DIPK2A: variants seen among roughly 807,000 people sequenced by gnomAD.
DIPK2A encodes Golgi Protein of 49 kDa.
A neutral mutation model predicts 39.0 loss-of-function variants in DIPK2A; 27 were observed. The observed-to-expected ratio is 0.69, with a 90% confidence interval of 0.51 to 0.96. The LOEUF (loss-of-function observed/expected upper bound fraction) is 0.96, where lower values mean the gene tolerates loss of function less well. DIPK2A is among the 40% of genes least tolerant of loss of function. DIPK2A has a pLI of 0.00. For synonymous variants in DIPK2A, 298 were observed against 240.8 expected (o/e 1.24, Z -2.20); for missense variants, 528 against 571.3 (o/e 0.92, Z 0.77).
rs918875014 is a variant in DIPK2A at position 143,990,050 on chromosome 3, C to G, written c.*209C>G. ...TTCTGCAAATAAGTATGTTCTTATA[C>G]TTTGGAGGCTTGAGCTGTCATCAGC... On this transcript the variant is annotated 3_prime_UTR_variant, in exon 3 of 3. Coordinates refer to ENST00000315691, the MANE Select transcript of DIPK2A (RefSeq NM_173552.5). 2 of 543,948 alleles carry G rather than the reference C, an allele frequency of 3.7e-6. No homozygotes were observed. Among genetic ancestry groups the G allele is most frequent in the Non-Finnish European group, 6.5e-6 (2 of 306,988 alleles). The allele number at this position is 543,948 out of a possible 1,614,324, so 33.7% of individuals were successfully genotyped here.
In DIPK2A at chr3:143,972,826, C is replaced by G; in HGVS notation, c.494C>G (p.Ser165Trp). The change falls in exon 1 of 3, where the codon TCG becomes TGG. Residue 165 changes from serine (S) to tryptophan (W), a missense_variant. Ser to Trp is a radical substitution (Grantham distance 177). Transcript: ENST00000315691. ...ACGCCCGAGGCGGTGGAGGGCTGGT[C>G]GGACCTGGTGCACTGCCCCTCGCAG... The part of the protein sequence containing the change: ...LLTPEAVEGW[S>W]DLVHCPSQRL... 1 of 1,565,196 alleles carries G rather than the reference C, an allele frequency of 6.4e-7. No individual in the cohort carries two copies. Among genetic ancestry groups the G allele is most frequent in the Non-Finnish European group, 8.6e-7 (1 of 1,158,692 alleles).
chr3:143,989,642 A>G lies in DIPK2A; in HGVS notation c.1094A>G (p.Gln365Arg), dbSNP rs1559858024. ...GACCACAATTACTATGCTGTTTGTC[A>G]GAACCTCTTATCCAGACATGCCACC... The part of the protein sequence containing the change: ...TVDHNYYAVC[Q>R]NLLSRHATWR... Residue 365 changes from glutamine to arginine, a missense_variant, in exon 3 of 3, where the codon CAG (glutamine) becomes CGG (arginine). Around this residue, in one of 2 missense-constraint regions of DIPK2A, gnomAD observed 219 missense variants for 281.5 expected, o/e 0.78. Transcript: ENST00000315691. The G allele has an allele frequency of 6.2e-7, 1 of 1,614,218 alleles. No homozygotes were observed. The highest frequency in any genetic ancestry group is 8.5e-7 in the Non-Finnish European group (1 of 1,180,036).
intron 2 of DIPK2A, among the ~76,000 whole-genome samples, chr3:143,987,055 A>G (rs756991145): frequency 2.2e-4 from 33 of 152,246 alleles, no homozygotes; most frequent in Non-Finnish European, 3.5e-4. Flanking sequence ...CAGATTTTAT[A>G]CTTACCAGAC....
At chr3:143,983,029 T>C (rs1034116962) in intron 1 of DIPK2A, among the ~76,000 whole-genome samples, 2 of 152,124 alleles carry the variant, frequency 1.3e-5, no homozygotes, top group Non-Finnish European at 2.9e-5. Context: ...CAAGAAGAGC[T>C]AACTATATAT....
intron 1 of DIPK2A, 26 bp downstream of exon 1, chr3:143,973,015 CG>C: frequency 6.4e-7 from 1 of 1,555,698 alleles, no homozygotes. Flanking sequence ...GGGCAGGGGG[CG>C]TCCTGGGAGG....
chr3:143,983,293 A>G (rs1392268063), intron 1 of DIPK2A, among the ~76,000 whole-genome samples: 3 of 152,218 alleles, frequency 2.0e-5, no homozygotes, highest in South Asian at 4.1e-4. Context: ...ATCATATTGC[A>G]CTTATTCTAA....
intron 1 of DIPK2A, among the ~76,000 whole-genome samples, chr3:143,975,315 A>T (rs1353143180): frequency 6.6e-6 from 1 of 152,136 alleles, no homozygotes; most frequent in Non-Finnish European, 1.5e-5. Flanking sequence ...TAATTTTTTT[A>T]AAACCTGATT....
Position 143,972,193 on chromosome 3 carries a change from C to A in DIPK2A, c.-140C>A, listed in dbSNP as rs986318055. 4.3e-6 allele frequency: 3 copies of A among 703,056 alleles called. No individual in the cohort carries two copies. Among genetic ancestry groups the A allele is most frequent in the Non-Finnish European group, 6.3e-6 (3 of 478,340 alleles). 43.6% of individuals were successfully genotyped at this position (703,056 alleles called of 1,614,324 possible). A position where few individuals can be genotyped will look rare whatever the true frequency, so the allele number is the denominator to read the frequency against. ...CCGCTCCCCGTCTTCCTCTCTCACACACCTACTCCGCCCTCCGCCCCAGCC... is the reference window on the plus strand; with the variant it reads ...CCGCTCCCCGTCTTCCTCTCTCACAAACCTACTCCGCCCTCCGCCCCAGCC... On this transcript the variant is annotated 5_prime_UTR_variant, in exon 1 of 3. Coordinates refer to ENST00000315691, the MANE Select transcript of DIPK2A (RefSeq NM_173552.5).
intron 2 of DIPK2A, among the ~76,000 whole-genome samples, chr3:143,987,826 A>G (rs1419682168): frequency 2.0e-5 from 3 of 152,164 alleles, no homozygotes; most frequent in African/African-American, 7.2e-5. Flanking sequence ...TCCTTAGTCC[A>G]TTAAAACCTG....
intron 1 of DIPK2A, among the ~76,000 whole-genome samples, chr3:143,974,758 A>G (rs1008442817): frequency 1.3e-5 from 2 of 152,146 alleles, no homozygotes; most frequent in African/African-American, 4.8e-5. Context: ...TAACAGTAGA[A>G]TTGATATTTT....
At chr3:143,973,052 G>C (rs1279298127) in intron 1 of DIPK2A, 63 bp downstream of exon 1, 2 of 1,512,732 alleles carry the variant, frequency 1.3e-6, no homozygotes, top group African/African-American at 2.8e-5. Context: ...TCAGAGTCGG[G>C]AGAAGTGGCT....
chr3:143,972,097 G>T lies in DIPK2A; in HGVS notation c.-236G>T, dbSNP rs547059356. On this transcript the variant is annotated 5_prime_UTR_variant, in exon 1 of 3. Transcript: ENST00000315691. The stretch of plus-strand genomic sequence containing the variant: ...CCGGAGTCGGAGGGCGGGGAGCTAG[G>T]AGGAGGGAGCTCGAGAGTTGTGGAG... The T allele has an allele frequency of 2.3e-5, 9 of 391,858 alleles. No individual in the cohort carries two copies. The highest frequency in any genetic ancestry group is 4.0e-5 in the Non-Finnish European group (9 of 222,714). The allele number at this position is 391,858 out of a possible 1,614,324, so 24.3% of individuals were successfully genotyped here. A position where few individuals can be genotyped will look rare whatever the true frequency, so the allele number is the denominator to read the frequency against.
chr3:143,989,832 C>T lies in DIPK2A; in HGVS notation c.1284C>T (p.Asn428=), dbSNP rs142974374. 6.4e-5 allele frequency: 103 copies of T among 1,610,964 alleles called. 1 individual carries two copies. The African/African-American group carries it at 1.0e-3, about 16-fold the overall frequency. ...AATACCTAGCACAATTAAGTAACAA[C>T]GTGAGGTAGTCTATGGTGAACTTTT... ...LREYLAQLSN[N]VR is the part of the protein sequence containing the mutation. The change falls in exon 3 of 3, where the codon AAC becomes AAT. Residue 428 remains asparagine, a synonymous_variant. Coordinates refer to ENST00000315691, the MANE Select transcript of DIPK2A (RefSeq NM_173552.5).
rs138263502 is a variant in DIPK2A, at chr3:143,989,784, C to T, written c.1236C>T (p.Phe412=). The T allele has an allele frequency of 7.9e-4, 1,275 of 1,614,156 alleles. 6 individuals are homozygous for T. The highest frequency in any genetic ancestry group is 2.6e-3 in the South Asian group (237 of 91,090). Residue 412 remains phenylalanine, a synonymous_variant, in exon 3 of 3, where the codon TTC becomes TTT. Coordinates refer to ENST00000315691, the MANE Select transcript of DIPK2A (RefSeq NM_173552.5). ...ACCCAAAGAAGCGCTATGGCAGATT[C>T]CAGGCTGCAAAAGAACTGCGTGAAT... is the stretch of plus-strand genomic sequence containing the variant. ...CANPKKRYGR[F]QAAKELREYL...
rs1425918421 is a variant in DIPK2A, at chr3:143,991,198, T to TGATGTAGTGTGCA, written c.*1359_*1371dup. On this transcript the variant is annotated 3_prime_UTR_variant, in exon 3 of 3. Coordinates refer to ENST00000315691, the MANE Select transcript of DIPK2A (RefSeq NM_173552.5). ...TGTTACTTTTGTTTACAGCAAAGTTTGATGTAGTGTGCAGTAGTGAGCTCT... is the reference window on the plus strand; with the variant it reads ...TGTTACTTTTGTTTACAGCAAAGTTTGATGTAGTGTGCAGATGTAGTGTGCAGTAGTGAGCTCT... 2 of 152,630 alleles carry TGATGTAGTGTGCA rather than the reference T, an allele frequency of 1.3e-5. No individual in the cohort carries two copies. Among genetic ancestry groups the TGATGTAGTGTGCA allele is most frequent in the Non-Finnish European group, 2.9e-5 (2 of 68,020 alleles). The allele number at this position is 152,630 out of a possible 1,614,324, so 9.5% of individuals were successfully genotyped here.
chr3:143,978,592 A>ATCTC, intron 1 of DIPK2A: 1 of 73,988 alleles, frequency 1.4e-5, no homozygotes, highest in African/African-American at 1.3e-4. Context: ...ATCTATATCT[A>ATCTC]TCTATCTATC....
At chr3:143,979,514 T>C (rs1180432920) in intron 1 of DIPK2A, among the ~76,000 whole-genome samples, 1 of 152,196 alleles carries the variant, frequency 6.6e-6, no homozygotes, top group African/African-American at 2.4e-5. Flanking sequence ...TTTTTCTTTC[T>C]AATGCTTTTT....
intron 1 of DIPK2A, among the ~76,000 whole-genome samples, chr3:143,982,178 C>CTATATA (rs1271805967): frequency 6.6e-6 from 1 of 151,996 alleles, no homozygotes; most frequent in Non-Finnish European, 1.5e-5. Context: ...AGTGACTAGT[C>CTATATA]TATATATTTC....
At position 143,990,079 on chromosome 3, in the gene DIPK2A, T is replaced by C; in HGVS notation, c.*238T>C. The C allele has an allele frequency of 2.0e-6, 1 of 489,872 alleles. No homozygotes were observed. Among genetic ancestry groups the C allele is most frequent in the Non-Finnish European group, 3.6e-6 (1 of 275,132 alleles). 30.3% of individuals were successfully genotyped at this position (489,872 alleles called of 1,614,324 possible). On this transcript the variant is annotated 3_prime_UTR_variant, in exon 3 of 3. Coordinates refer to ENST00000315691, the MANE Select transcript of DIPK2A (RefSeq NM_173552.5). The stretch of plus-strand genomic sequence containing the variant: ...GGAGGCTTGAGCTGTCATCAGCTGC[T>C]CCCCACTACCCCGGAATGCTTGAGT...
Sources: gnomAD v4.1 joint callset for allele counts (sites outside exome capture counted in the v4.1 genomes callset) on GRCh38, gnomAD v4.1.1 for gene constraint, gnomAD v4.1.1 regional missense constraint, MANE v1.5 for transcripts, NCBI Gene and HGNC (gene_info 2026-07-23, HGNC 2026-07-21) for gene names.